Variants in ZNF131 observed in about 807,000 individuals in gnomAD.
The protein encoded by ZNF131 is zinc finger protein 131.
A neutral mutation model predicts 60.0 loss-of-function variants in ZNF131; 7 were observed. That is an observed-to-expected ratio of 0.12 (90% CI 0.07 to 0.22). The LOEUF (loss-of-function observed/expected upper bound fraction) is 0.22. Among genes scored for constraint, ZNF131 ranks in the 10% least tolerant of loss-of-function variants. ZNF131 has a pLI of 1.00. For synonymous variants in ZNF131, 257 were observed against 253.2 expected (o/e 1.01, Z -0.14); for missense variants, 493 against 740.9 (o/e 0.67, Z 3.88).
rs71608692 is a variant in ZNF131 at position 43,160,678 on chromosome 5, C to CTT, written c.372-550_372-549dup. Among the ~76,000 whole-genome samples, 252 of 93,010 alleles carry CTT rather than the reference C, an allele frequency of 2.7e-3. 5 individuals are homozygous for CTT. Among genetic ancestry groups the CTT allele is most frequent in the African/African-American group, 7.5e-3 (189 of 25,090 alleles). The allele number at this position is 93,010 out of a possible 152,430, so 61.0% of individuals were successfully genotyped here. ...TCACTGTTAAATGATTAGCTTGGAACTTTTTTTTTTTTTTTTTTTTTTGAG... is the reference window on the plus strand; with the variant it reads ...TCACTGTTAAATGATTAGCTTGGAACTTTTTTTTTTTTTTTTTTTTTTTTGAG... On this transcript the variant is annotated intron_variant, in intron 4 of 6. Coordinates refer to ENST00000682664, the MANE Select transcript of ZNF131 (RefSeq NM_001330707.2).
chr5:43,138,067 G>C (rs1306347732), intron 3 of ZNF131, among the ~76,000 whole-genome samples: 1 of 152,174 alleles, frequency 6.6e-6, no homozygotes, highest in East Asian at 1.9e-4. Flanking sequence ...AGTGGAATAC[G>C]GGTTGCTAGG....
chr5:43,174,883 A>C lies in ZNF131; in HGVS notation c.1622A>C (p.Glu541Ala). 6.2e-7 allele frequency: 1 copy of C among 1,614,182 alleles called. No individual in the cohort carries two copies. Among genetic ancestry groups the C allele is most frequent in the Non-Finnish European group, 8.5e-7 (1 of 1,180,040 alleles). Reference sequence around the variant, plus strand: ...GAAGAAGGTACTGAAGTACATGTAGAGGAGCTGCATGTTGAACGGGTCAAT... The same window carrying C: ...GAAGAAGGTACTGAAGTACATGTAGCGGAGCTGCATGTTGAACGGGTCAAT... ...QTEEGTEVHVEELHVERVNQM... is the reference protein window; with the variant it reads ...QTEEGTEVHVAELHVERVNQM... Residue 541 changes from glutamate to alanine, a missense_variant, in exon 7 of 7, where the codon GAG becomes GCG. Physicochemically the swap from Glu to Ala is moderately radical, Grantham distance 107. Transcript: ENST00000682664.
At chr5:43,160,188 C>CA (rs113454923) in intron 4 of ZNF131, among the ~76,000 whole-genome samples, 27,382 of 124,774 alleles carry the variant, frequency 0.22, 2,953 homozygotes, top group Middle Eastern at 0.43. Context: ...AAAAACAAAA[C>CA]AAAAAAAAAA....
intron 3 of ZNF131, among the ~76,000 whole-genome samples, chr5:43,129,142 G>A (rs1264405519): frequency 7.1e-6 from 1 of 140,326 alleles, no homozygotes; most frequent in Non-Finnish European, 1.6e-5. Context: ...CACCATGTTG[G>A]CCAGGCTGGT....
intron 3 of ZNF131, among the ~76,000 whole-genome samples, chr5:43,132,542 G>T (rs182350779): frequency 7.9e-6 from 1 of 126,440 alleles, no homozygotes; most frequent in East Asian, 2.3e-4. Context: ...ACAGAGTCTC[G>T]CTGTATTGCC....
At chr5:43,144,632 G>A (rs1219408800) in intron 4 of ZNF131, among the ~76,000 whole-genome samples, 2 of 152,094 alleles carry the variant, frequency 1.3e-5, no homozygotes, top group Non-Finnish European at 2.9e-5. Context: ...TGCCACCACA[G>A]TAGTTGCAAT....
At chr5:43,146,749 T>A (rs1442726428) in intron 4 of ZNF131, among the ~76,000 whole-genome samples, 1 of 151,502 alleles carries the variant, frequency 6.6e-6, no homozygotes, top group Non-Finnish European at 1.5e-5. Context: ...CTACTGAAAA[T>A]ACAAAAATTA....
intron 3 of ZNF131, among the ~76,000 whole-genome samples, chr5:43,129,313 G>A (rs189883341): frequency 1.1e-4 from 17 of 152,132 alleles, no homozygotes; most frequent in African/African-American, 3.9e-4. Flanking sequence ...CTTAAGCAAT[G>A]CTCCTGCCTT....
intron 3 of ZNF131, among the ~76,000 whole-genome samples, chr5:43,131,432 C>G (rs1745341553): frequency 6.6e-6 from 1 of 152,164 alleles, no homozygotes; most frequent in Admixed American, 6.5e-5. Flanking sequence ...CTTGGCCTCC[C>G]AAAGTGCTGG....
chr5:43,132,194 G>C (rs1745447934), intron 3 of ZNF131, among the ~76,000 whole-genome samples: 1 of 152,146 alleles, frequency 6.6e-6, no homozygotes, highest in South Asian at 2.1e-4. Context: ...CTGAAAGACA[G>C]CAAAAGCTAG....
At chr5:43,169,460 G>A (rs893877349) in intron 5 of ZNF131, among the ~76,000 whole-genome samples, 1 of 152,180 alleles carries the variant, frequency 6.6e-6, no homozygotes, top group African/African-American at 2.4e-5. Flanking sequence ...TACATTCCTT[G>A]CATTTTCAGG....
At chr5:43,125,271 A>G (rs1461284318) in intron 3 of ZNF131, among the ~76,000 whole-genome samples, 4 of 151,972 alleles carry the variant, frequency 2.6e-5, no homozygotes, top group Non-Finnish European at 4.4e-5. Context: ...GAAAGATTTC[A>G]AAGAGGAGTT....
intron 3 of ZNF131, among the ~76,000 whole-genome samples, chr5:43,129,568 A>G (rs1745034176): frequency 6.6e-6 from 1 of 152,240 alleles, no homozygotes; most frequent in Non-Finnish European, 1.5e-5. Flanking sequence ...GCATGTTAGT[A>G]TTCACTCTTA....
At chr5:43,166,635 A>G (rs1000248670) in intron 5 of ZNF131, among the ~76,000 whole-genome samples, 7 of 149,464 alleles carry the variant, frequency 4.7e-5, no homozygotes, top group Non-Finnish European at 7.4e-5. Flanking sequence ...GCTGGATTAC[A>G]GGCACGAGCC....
intron 6 of ZNF131, among the ~76,000 whole-genome samples, chr5:43,173,905 A>T (rs1260121516): frequency 3.9e-5 from 6 of 152,232 alleles, no homozygotes; most frequent in Non-Finnish European, 7.3e-5. Context: ...TGCTTAAACA[A>T]TGAAGGCAGT....
chr5:43,153,890 C>A (rs142881159), intron 4 of ZNF131, among the ~76,000 whole-genome samples: 169 of 152,290 alleles, frequency 1.1e-3, no homozygotes, highest in African/African-American at 3.8e-3. Context: ...TCGCCATACT[C>A]AACAAGCTAC....
At chr5:43,163,750 G>GCC (rs1487927388) in intron 5 of ZNF131, among the ~76,000 whole-genome samples, 1 of 152,178 alleles carries the variant, frequency 6.6e-6, no homozygotes, top group Non-Finnish European at 1.5e-5. Context: ...ATATGTGGTG[G>GCC]TTAAGGCTGT....
intron 4 of ZNF131, among the ~76,000 whole-genome samples, chr5:43,145,909 C>T (rs912508551): frequency 3.9e-5 from 6 of 152,174 alleles, no homozygotes; most frequent in East Asian, 1.9e-4. Flanking sequence ...GTCTTCCAAC[C>T]GATTATACCA....
intron 4 of ZNF131, 45 bp downstream of exon 4, chr5:43,139,354 T>C: frequency 1.3e-6 from 2 of 1,485,462 alleles, no homozygotes; most frequent in South Asian, 1.5e-5. Context: ...TATTCAGTCA[T>C]GTTCATTCTG....
Sources: gnomAD v4.1 joint callset for allele counts (sites outside exome capture counted in the v4.1 genomes callset) on GRCh38, gnomAD v4.1.1 for gene constraint, MANE v1.5 for transcripts, NCBI Gene and HGNC (gene_info 2026-07-23, HGNC 2026-07-21) for gene names.